The following STPG2 variants were observed in gnomAD, a reference collection of about 807,000 sequenced individuals.
The protein encoded by STPG2 is sperm tail PG-rich repeat containing 2.
STPG2 carries 56 observed loss-of-function variants against 54.2 expected under a neutral mutation model. The ratio of observed to expected loss-of-function variants is 1.03; its 90% CI spans 0.83 to 1.29. STPG2 has a LOEUF of 1.29. STPG2 is among the 50% of genes most tolerant of loss of function. STPG2 has a pLI of 0.00. For missense variants in STPG2, 596 were observed against 544.9 expected, an observed-to-expected ratio of 1.09 and a Z score of -0.93; for synonymous variants, 200 against 181.8, an observed-to-expected ratio of 1.10 and a Z score of -0.81.
chr4:97,902,418 T>A (rs2149187658), intron 8 of STPG2, among the ~76,000 whole-genome samples: 1 of 152,254 alleles, frequency 6.6e-6, no homozygotes, highest in South Asian at 2.1e-4. Context: ...TAAGGGTTAA[T>A]CTTCAAAACA....
chr4:98,107,971 G>T (rs941088778), intron 4 of STPG2, among the ~76,000 whole-genome samples: 1 of 151,998 alleles, frequency 6.6e-6, no homozygotes, highest in Non-Finnish European at 1.5e-5. Flanking sequence ...GCATGTTAAG[G>T]TTCTAGCATA....
intron 5 of STPG2, among the ~76,000 whole-genome samples, chr4:98,089,510 C>T (rs1738620324): frequency 6.6e-6 from 1 of 152,044 alleles, no homozygotes; most frequent in South Asian, 2.1e-4. Context: ...CTACTAAAAA[C>T]ATGCATGTGC....
At chr4:97,539,722 C>T (rs1208089750) in intron 4 of STPG2, among the ~76,000 whole-genome samples, 4 of 152,164 alleles carry the variant, frequency 2.6e-5, no homozygotes, top group East Asian at 1.9e-4. Context: ...ATCTACAGAA[C>T]TCTCCACCAC....
At chr4:98,049,669 A>G (rs1360441876) in intron 5 of STPG2, among the ~76,000 whole-genome samples, 1 of 152,238 alleles carries the variant, frequency 6.6e-6, no homozygotes, top group Non-Finnish European at 1.5e-5. Context: ...TATGTACTAT[A>G]CCACAGTTCC....
intron 4 of STPG2, among the ~76,000 whole-genome samples, chr4:97,512,055 T>A (rs1730985081): frequency 6.6e-6 from 1 of 152,000 alleles, no homozygotes; most frequent in Admixed American, 6.6e-5. Context: ...TGAAATTGTA[T>A]AAGGAAAATG....
chr4:97,958,501 C>T (rs1245398468), intron 7 of STPG2, among the ~76,000 whole-genome samples: 1 of 152,006 alleles, frequency 6.6e-6, no homozygotes, highest in Non-Finnish European at 1.5e-5. Context: ...AGGAGACTCA[C>T]CTGACACATA....
At chr4:97,614,805 G>A (rs1733818247) in intron 10 of STPG2, among the ~76,000 whole-genome samples, 2 of 152,148 alleles carry the variant, frequency 1.3e-5, no homozygotes, top group South Asian at 2.1e-4. Flanking sequence ...CAACAGTTTT[G>A]ATACCCATAA....
chr4:97,821,643 T>C (rs1446322545), intron 9 of STPG2, among the ~76,000 whole-genome samples: 3 of 152,176 alleles, frequency 2.0e-5, no homozygotes, highest in Non-Finnish European at 4.4e-5. Flanking sequence ...TTCTCATATA[T>C]CCTCTGAAAT....
intron 9 of STPG2, among the ~76,000 whole-genome samples, chr4:97,771,229 G>A (rs1212021971): frequency 6.6e-6 from 1 of 152,094 alleles, no homozygotes; most frequent in South Asian, 2.1e-4. Context: ...CAATCCAGAG[G>A]GATAGGAAGC....
intron 4 of STPG2, among the ~76,000 whole-genome samples, chr4:97,471,811 GA>G (rs991854684): frequency 1.3e-5 from 2 of 152,028 alleles, no homozygotes; most frequent in Non-Finnish European, 2.9e-5. Flanking sequence ...AATGGAATTT[GA>G]AAAAAACATT....
chr4:97,502,472 C>G (rs1318628911), intron 4 of STPG2, among the ~76,000 whole-genome samples: 1 of 151,884 alleles, frequency 6.6e-6, no homozygotes, highest in African/African-American at 2.4e-5. Flanking sequence ...TGACTTCCGA[C>G]TATAAAGGCA....
At chr4:97,839,394 T>C (rs1728726586) in intron 9 of STPG2, among the ~76,000 whole-genome samples, 1 of 151,556 alleles carries the variant, frequency 6.6e-6, no homozygotes, top group Non-Finnish European at 1.5e-5. Context: ...TTGCATTCCA[T>C]CGGTAAGAAT....
chr4:97,977,685 G>A (rs1734541666), intron 6 of STPG2, among the ~76,000 whole-genome samples: 2 of 152,174 alleles, frequency 1.3e-5, no homozygotes, highest in Non-Finnish European at 2.9e-5. Flanking sequence ...CATTGGTCAA[G>A]AAAGCACCAG....
In STPG2 at chr4:97,682,633, A is replaced by C. The variant is rs189909007; in HGVS notation, c.1320+30066T>G. Among the ~76,000 whole-genome samples, 625 of 151,924 alleles carry C rather than the reference A, an allele frequency of 4.1e-3. 3 individuals carry two copies. Among genetic ancestry groups the C allele is most frequent in the South Asian group, 0.02 (98 of 4,828 alleles). ...GTAATATATGTCCAGCACTATCCTT[A>C]GTACTTATGTATATTGACTTGGTAA... On this transcript the variant is annotated intron_variant, in intron 10 of 10. Transcript: ENST00000295268.
At chr4:97,715,272 T>C (rs1724250469) in intron 9 of STPG2, among the ~76,000 whole-genome samples, 1 of 152,180 alleles carries the variant, frequency 6.6e-6, no homozygotes, top group Admixed American at 6.6e-5. Context: ...TCTTTTTAGA[T>C]ACCAAAATGT....
At chr4:97,994,536 T>C (rs1204783655) in intron 5 of STPG2, among the ~76,000 whole-genome samples, 1 of 152,150 alleles carries the variant, frequency 6.6e-6, no homozygotes, top group Non-Finnish European at 1.5e-5. Flanking sequence ...CCTAGGGATG[T>C]GGCTTCCTGA....
chr4:98,135,920 T>G, intron 1 of STPG2, among the ~76,000 whole-genome samples: 1 of 151,400 alleles, frequency 6.6e-6, no homozygotes, highest in East Asian at 1.9e-4. Context: ...ACATACACAC[T>G]CAAACTACAT....
At chr4:97,939,043 T>A (rs747862398) in intron 8 of STPG2, among the ~76,000 whole-genome samples, 6 of 152,222 alleles carry the variant, frequency 3.9e-5, no homozygotes, top group Non-Finnish European at 8.8e-5. Context: ...ACTTCTTGAT[T>A]TCTGCCTTAA....
At chr4:97,915,448 C>T (rs1223000581) in intron 8 of STPG2, among the ~76,000 whole-genome samples, 1 of 152,124 alleles carries the variant, frequency 6.6e-6, no homozygotes, top group Non-Finnish European at 1.5e-5. Context: ...TTTAAACTCA[C>T]ATCTTGGATT....
Sources: allele counts gnomAD v4.1 joint callset (sites outside exome capture counted in the v4.1 genomes callset), GRCh38; gene constraint gnomAD v4.1.1; transcripts MANE v1.5; gene names NCBI Gene and HGNC (gene_info 2026-07-23, HGNC 2026-07-21).